PLD1: variants seen among roughly 807,000 people sequenced by gnomAD.
PLD1 encodes the protein choline phosphatase 1.
Under a neutral mutation model 137.1 loss-of-function variants are expected in PLD1, and 112 were observed. The observed-to-expected ratio is 0.82, with a 90% CI of 0.70 to 0.96. The LOEUF (loss-of-function observed/expected upper bound fraction) is 0.96. PLD1 is among the 40% of genes least tolerant of loss of function. The probability of loss-of-function intolerance (pLI) is 0.00; values close to 1 mark genes in which losing one functional copy is unlikely to be tolerated. For missense variants in PLD1, 1,321 were observed against 1,342.0 expected, an observed-to-expected ratio of 0.98 and a Z score of 0.24; for synonymous variants, 431 against 454.7, an observed-to-expected ratio of 0.95 and a Z score of 0.66.
chr3:171,650,819 A>G (rs1736673725), intron 21 of PLD1, among the ~76,000 whole-genome samples: 1 of 151,734 alleles, frequency 6.6e-6, no homozygotes, highest in Non-Finnish European at 1.5e-5. Context: ...AATGGCGTGA[A>G]CCCGGGAGGC....
chr3:171,746,466 T>C (rs1200884813), intron 1 of PLD1, among the ~76,000 whole-genome samples: 1 of 152,146 alleles, frequency 6.6e-6, no homozygotes, highest in African/African-American at 2.4e-5. Flanking sequence ...CCAGCTAATC[T>C]GGTGGGGACT....
chr3:171,659,384 A>T, intron 20 of PLD1, 83 bp from the exon 21 acceptor site: 2 of 928,042 alleles, frequency 2.2e-6, no homozygotes, highest in Admixed American at 1.8e-5. Context: ...TATATTTTTT[A>T]AAATGTTTCA....
At chr3:171,704,332 T>G (rs897328038) in intron 11 of PLD1, among the ~76,000 whole-genome samples, 3 of 152,008 alleles carry the variant, frequency 2.0e-5, no homozygotes, top group Admixed American at 6.6e-5. Flanking sequence ...CTGAAATTGG[T>G]AAATTGCCTG....
intron 13 of PLD1, among the ~76,000 whole-genome samples, chr3:171,689,849 G>A (rs9855905): frequency 0.45 from 68,968 of 152,082 alleles, 15,928 homozygotes; most frequent in African/African-American, 0.51. Context: ...AGTAAAGTAA[G>A]CATAACATAA....
Position 171,620,477 on chromosome 3 carries a change from T to A in PLD1, c.2637A>T (p.Arg879Ser), listed in dbSNP as rs1733497284. The A allele has an allele frequency of 5.6e-6, 9 of 1,600,080 alleles. No homozygotes were observed. Among genetic ancestry groups the A allele is most frequent in the Non-Finnish European group, 7.7e-6 (9 of 1,168,314 alleles). The change falls in exon 24 of 27, where the codon AGA becomes AGT. Residue 879 changes from arginine to serine, a missense_variant. Arg to Ser is a moderately radical substitution (Grantham distance 110). Transcript: ENST00000351298. ...GGTTTCCTTCGAGCTCTGCATGTGT[T>A]CTAAGACCACAGAATGATATGTAAT... Reference protein sequence around the residue: ...WINYISFCGLRTHAELEGNLV... With the variant: ...WINYISFCGLSTHAELEGNLV...
At chr3:171,751,402 C>T (rs1720648125) in intron 1 of PLD1, among the ~76,000 whole-genome samples, 2 of 151,928 alleles carry the variant, frequency 1.3e-5, no homozygotes, top group African/African-American at 4.8e-5. Context: ...GTAAGAACAC[C>T]AGATTGGGAG....
At chr3:171,703,346 C>T (rs575501906) in intron 11 of PLD1, among the ~76,000 whole-genome samples, 1 of 152,096 alleles carries the variant, frequency 6.6e-6, no homozygotes, top group African/African-American at 2.4e-5. Flanking sequence ...TGCAACAAGG[C>T]AAGAAAATAA....
chr3:171,760,214 C>G (rs748889348), intron 1 of PLD1, among the ~76,000 whole-genome samples: 4 of 152,092 alleles, frequency 2.6e-5, no homozygotes, highest in African/African-American at 9.7e-5. Context: ...GAAATTCTTT[C>G]TTTTATTGAG....
chr3:171,616,070 T>C (rs529142436), intron 24 of PLD1, among the ~76,000 whole-genome samples: 2 of 152,360 alleles, frequency 1.3e-5, no homozygotes, highest in South Asian at 4.1e-4. Context: ...CTCATGTTAA[T>C]GAGAAGCAAC....
At chr3:171,715,584 ATTC>A (rs745871516) in intron 8 of PLD1, among the ~76,000 whole-genome samples, 29 of 151,856 alleles carry the variant, frequency 1.9e-4, no homozygotes, top group Non-Finnish European at 3.8e-4. Context: ...AACAGTATTA[ATTC>A]TTCTGATCCT....
intron 23 of PLD1, 39 bp from the exon 24 acceptor site, chr3:171,620,559 C>A (rs766992541): frequency 2.3e-6 from 3 of 1,288,328 alleles, no homozygotes; most frequent in Non-Finnish European, 3.3e-6. Context: ...TTAATATGAC[C>A]AAGCTCAATA....
At chr3:171,619,579 T>C (rs1733416228) in intron 24 of PLD1, among the ~76,000 whole-genome samples, 1 of 152,186 alleles carries the variant, frequency 6.6e-6, no homozygotes, top group Non-Finnish European at 1.5e-5. Context: ...AAAACATGCA[T>C]GTTAGGAAAA....
intron 1 of PLD1, among the ~76,000 whole-genome samples, chr3:171,740,408 G>A (rs1431373762): frequency 6.6e-6 from 1 of 152,062 alleles, no homozygotes; most frequent in East Asian, 1.9e-4. Context: ...AAATTTAGAG[G>A]AAAAGAGACA....
chr3:171,612,294 C>T lies in PLD1; in HGVS notation c.2867G>A (p.Arg956Gln), dbSNP rs184113386. 24 of 1,614,008 alleles carry T rather than the reference C, an allele frequency of 1.5e-5. No individual in the cohort carries two copies. The highest frequency in any genetic ancestry group is 1.6e-4 in the Middle Eastern group (1 of 6,062). The change falls in exon 25 of 27, where the codon CGG (arginine) becomes CAG (glutamine). Residue 956 changes from arginine to glutamine, a missense_variant. Arg to Gln is a conservative substitution (Grantham distance 43). Coordinates refer to ENST00000351298, the MANE Select transcript of PLD1 (RefSeq NM_002662.5). The surrounding 1 kb of genome is among the most constrained non-coding windows in gnomAD (Gnocchi z 4.1). The stretch of plus-strand genomic sequence containing the variant: ...GCGGACTGACCTAAAGCACTGTAGC[C>T]GAAGTCCTCGGGCAAACCGGCCAGC... ...YQAGRFARGL[R>Q]LQCFRVVLGY...
At chr3:171,681,220 T>C (rs1713936101) in intron 16 of PLD1, among the ~76,000 whole-genome samples, 2 of 152,254 alleles carry the variant, frequency 1.3e-5, no homozygotes, top group South Asian at 2.1e-4. Context: ...TTATCTTTAT[T>C]GATCCCACTT....
intron 16 of PLD1, among the ~76,000 whole-genome samples, chr3:171,678,837 T>C (rs537603595): frequency 7.4e-4 from 110 of 147,856 alleles, no homozygotes; most frequent in Admixed American, 1.7e-3. Context: ...CCAGGCCCCA[T>C]GCAAATCACG....
At chr3:171,753,243 T>C (rs953067529) in intron 1 of PLD1, among the ~76,000 whole-genome samples, 1 of 152,154 alleles carries the variant, frequency 6.6e-6, no homozygotes, top group Non-Finnish European at 1.5e-5. Context: ...CTATGCATAG[T>C]ACTAAGGAAC....
intron 23 of PLD1, among the ~76,000 whole-genome samples, chr3:171,632,706 G>A (rs1036653772): frequency 6.6e-6 from 1 of 152,124 alleles, no homozygotes; most frequent in Non-Finnish European, 1.5e-5. Context: ...AGGATATATG[G>A]CAGTCCTGGA....
intron 25 of PLD1, 24 bp from the exon 26 acceptor site, chr3:171,605,440 T>C (rs767244981): frequency 3.0e-6 from 4 of 1,324,138 alleles, no homozygotes; most frequent in East Asian, 4.6e-5. Context: ...GACCTCCACA[T>C]TGAGTAACTG....
Sources: allele counts gnomAD v4.1 joint callset (sites outside exome capture counted in the v4.1 genomes callset), GRCh38; gene constraint gnomAD v4.1.1; non-coding constraint Gnocchi (gnomAD v3.1); transcripts MANE v1.5; gene names NCBI Gene and HGNC (gene_info 2026-07-23, HGNC 2026-07-21).